The following SNX29 variants were observed in gnomAD, a reference collection of about 807,000 sequenced individuals.
SNX29 encodes the protein sorting nexin-29.
In SNX29, 78 loss-of-function variants were observed where a neutral mutation model predicts 102.1. That is an observed-to-expected ratio of 0.76 (90% CI 0.64 to 0.92). The LOEUF is 0.92. Among genes scored for constraint, SNX29 ranks in the 40% least tolerant of loss-of-function variants. The pLI, the probability that SNX29 is intolerant of heterozygous loss-of-function variation, is 0.00. For missense variants in SNX29, 1,280 were observed against 1,061.7 expected, an observed-to-expected ratio of 1.21 and a Z score of -2.86; for synonymous variants, 580 against 414.5, an observed-to-expected ratio of 1.40 and a Z score of -4.85.
At chr16:12,477,358 G>C (rs1488990660) in intron 18 of SNX29, among the ~76,000 whole-genome samples, 1 of 152,204 alleles carries the variant, frequency 6.6e-6, no homozygotes, top group Non-Finnish European at 1.5e-5. Context: ...GAGGAAACAA[G>C]TGTCCAGAAA....
intron 15 of SNX29, among the ~76,000 whole-genome samples, chr16:12,355,866 AAAAAAAAAAAG>A (rs1293111280): frequency 5.0e-5 from 7 of 140,796 alleles, no homozygotes; most frequent in South Asian, 2.2e-4. Flanking sequence ...AAAAAAAAAA[AAAAAAAAAAAG>A]AGAGAGGAAA....
chr16:12,276,851 T>C (rs901537725), intron 14 of SNX29, among the ~76,000 whole-genome samples: 1 of 152,204 alleles, frequency 6.6e-6, no homozygotes, highest in African/African-American at 2.4e-5. Flanking sequence ...GAGCCGTTTG[T>C]GTGCATGCTT....
intron 1 of SNX29, among the ~76,000 whole-genome samples, chr16:11,988,838 A>G (rs1195488337): frequency 6.6e-6 from 1 of 152,156 alleles, no homozygotes; most frequent in African/African-American, 2.4e-5. Flanking sequence ...ATTTCTATTC[A>G]ATTACTGTTA....
chr16:12,227,507 C>G (rs1191608738), intron 14 of SNX29, among the ~76,000 whole-genome samples: 1 of 152,182 alleles, frequency 6.6e-6, no homozygotes, highest in African/African-American at 2.4e-5. Context: ...TCAACATTTG[C>G]TGAGTGTTCT....
chr16:12,065,779 C>G (rs975372322), intron 9 of SNX29, among the ~76,000 whole-genome samples: 4 of 152,130 alleles, frequency 2.6e-5, no homozygotes, highest in African/African-American at 9.7e-5. Flanking sequence ...ATTCAGTCTT[C>G]CCACTGGATC....
chr16:12,566,400 T>A (rs760308977), intron 20 of SNX29, among the ~76,000 whole-genome samples: 17 of 131,396 alleles, frequency 1.3e-4, no homozygotes, highest in Non-Finnish European at 1.9e-4. Context: ...TCCCAGGCAC[T>A]CTCAGAGCCT....
Position 12,568,808 on chromosome 16 carries a change from A to C in SNX29, c.*179A>C. The C allele has an allele frequency of 9.9e-7, 1 of 1,010,286 alleles. No homozygotes were observed. The highest frequency in any genetic ancestry group is 1.7e-5 in the South Asian group (1 of 58,908). 62.6% of individuals were successfully genotyped at this position (1,010,286 alleles called of 1,614,324 possible). ...AACTAATCAGTCTTCGAGCCGCATG[A>C]TACCGTGACCCGAGAGACCAAGGCA... On this transcript the variant is annotated 3_prime_UTR_variant, in exon 21 of 21. Coordinates refer to ENST00000566228, the MANE Select transcript of SNX29 (RefSeq NM_032167.5).
At chr16:12,279,522 G>C (rs1369690820) in intron 15 of SNX29, among the ~76,000 whole-genome samples, 2 of 152,198 alleles carry the variant, frequency 1.3e-5, no homozygotes, top group African/African-American at 4.8e-5. Context: ...GCCCTTCCTT[G>C]GGAGCTCCCT....
intron 19 of SNX29, among the ~76,000 whole-genome samples, chr16:12,501,255 T>G (rs1228142656): frequency 6.6e-6 from 1 of 151,832 alleles, no homozygotes; most frequent in Non-Finnish European, 1.5e-5. Flanking sequence ...AATACAAAAA[T>G]TAGCTGGGTG....
At chr16:12,563,005 C>A (rs140990735) in intron 20 of SNX29, among the ~76,000 whole-genome samples, 1 of 152,136 alleles carries the variant, frequency 6.6e-6, no homozygotes, top group Admixed American at 6.5e-5. Context: ...TGCTTCAATG[C>A]GCCTTTCAAA....
At chr16:12,144,940 C>G (rs1032956314) in intron 13 of SNX29, among the ~76,000 whole-genome samples, 3 of 152,186 alleles carry the variant, frequency 2.0e-5, no homozygotes, top group African/African-American at 4.8e-5. Context: ...CCAGGATGGT[C>G]TCTATCTCCT....
rs1330837514 is a variant in SNX29, at chr16:12,442,589, G to GTTT, written c.2038-35119_2038-35117dup. ...AATGGATGTGACTGTGTGTTTTTTT[G>GTTT]TTTTTTTTTTTTTGATATAGGGTCT... On this transcript the variant is annotated intron_variant, in intron 18 of 20. Transcript: ENST00000566228. 8.4e-5 allele frequency among the ~76,000 whole-genome samples: 12 copies of GTTT among 142,398 alleles called. No individual in the cohort carries two copies. In the East Asian group the frequency reaches 2.2e-3, roughly 26 times the overall value. 93.4% of individuals were successfully genotyped at this position (142,398 alleles called of 152,430 possible).
intron 20 of SNX29, among the ~76,000 whole-genome samples, chr16:12,562,584 G>C (rs1264325448): frequency 6.6e-6 from 1 of 152,188 alleles, no homozygotes. Flanking sequence ...TTTTTACCCA[G>C]AGACGGGGAC....
chr16:12,160,939 A>G (rs1175726025), intron 13 of SNX29, among the ~76,000 whole-genome samples: 1 of 152,196 alleles, frequency 6.6e-6, no homozygotes, highest in East Asian at 1.9e-4. Flanking sequence ...TTGTGCCGGG[A>G]GTAGCGACTG....
intron 14 of SNX29, among the ~76,000 whole-genome samples, chr16:12,231,314 A>C (rs1469997126): frequency 1.3e-5 from 2 of 152,202 alleles, no homozygotes; most frequent in Non-Finnish European, 2.9e-5. Context: ...ACTTCGTTTA[A>C]AGTATTTTCC....
At chr16:12,214,561 C>G (rs114591345) in intron 14 of SNX29, among the ~76,000 whole-genome samples, 2 of 151,960 alleles carry the variant, frequency 1.3e-5, no homozygotes, top group African/African-American at 4.8e-5. Flanking sequence ...TTGAGAGTGA[C>G]TTGCCTGAAT....
At chr16:12,064,372 C>T (rs1003267059) in intron 9 of SNX29, among the ~76,000 whole-genome samples, 14 of 152,222 alleles carry the variant, frequency 9.2e-5, no homozygotes, top group African/African-American at 3.4e-4. Context: ...CCCCATCAGC[C>T]TCTAGAGTCC....
chr16:12,006,179 G>C (rs2056445851), intron 3 of SNX29, among the ~76,000 whole-genome samples: 2 of 149,946 alleles, frequency 1.3e-5, no homozygotes, highest in African/African-American at 2.5e-5. Flanking sequence ...ATTCTAGCTT[G>C]GGCAATAGAC....
At chr16:12,526,934 A>C in intron 20 of SNX29, 1 of 391,170 alleles carries the variant, frequency 2.6e-6, no homozygotes, top group Non-Finnish European at 4.8e-6. Flanking sequence ...CGGAGAGAGA[A>C]ACCTTTTGTG....
Sources: gnomAD v4.1 joint callset for allele counts (sites outside exome capture counted in the v4.1 genomes callset) on GRCh38, gnomAD v4.1.1 for gene constraint, MANE v1.5 for transcripts, NCBI Gene and HGNC (gene_info 2026-07-23, HGNC 2026-07-21) for gene names.